The following MPP7 variants were observed in gnomAD, a reference collection of about 807,000 sequenced individuals.
The protein encoded by MPP7 is MAGUK p55 scaffold protein 7, also known as MAGUK p55 subfamily member 7.
In MPP7, 60 loss-of-function variants were observed where a neutral mutation model predicts 76.5. That is an observed-to-expected ratio of 0.78 (90% CI 0.64 to 0.97). The LOEUF is 0.97. Among genes scored for constraint, MPP7 ranks in the 50% least tolerant of loss-of-function variants. MPP7 has a pLI of 0.00. For synonymous variants in MPP7, 237 were observed against 244.5 expected (o/e 0.97, Z 0.29); for missense variants, 641 against 694.0 (o/e 0.92, Z 0.86).
chr10:28,307,224 G>A (rs1249066396), upstream of MPP7, among the ~76,000 whole-genome samples: 1 of 152,196 alleles, frequency 6.6e-6, no homozygotes, highest in African/African-American at 2.4e-5. Flanking sequence ...AGACCTAGAG[G>A]CCAAGGCCGA....
intron 3 of MPP7, among the ~76,000 whole-genome samples, chr10:28,151,352 A>G (rs1300760895): frequency 7.2e-5 from 11 of 152,240 alleles, no homozygotes; most frequent in Admixed American, 6.5e-4. Context: ...CTATAAAAAG[A>G]GTTAGATTTG....
intron 11 of MPP7, among the ~76,000 whole-genome samples, chr10:28,111,543 A>T (rs1320331984): frequency 2.0e-5 from 3 of 152,310 alleles, no homozygotes; most frequent in Non-Finnish European, 2.9e-5. Context: ...TTCAACACTT[A>T]AAAGAAATTT....
intron 6 of MPP7, among the ~76,000 whole-genome samples, chr10:28,128,405 T>A (rs1835086679): frequency 6.6e-6 from 1 of 152,194 alleles, no homozygotes; most frequent in South Asian, 2.1e-4. Context: ...CTCAAAATGT[T>A]TCAGATTTTG....
intron 3 of MPP7, among the ~76,000 whole-genome samples, chr10:28,194,303 C>T (rs1824171): frequency 0.08 from 12,181 of 152,230 alleles, 1,038 homozygotes; most frequent in East Asian, 0.43. Flanking sequence ...CATGAGCCAC[C>T]ACACCTGGCC....
At chr10:28,290,504 C>T (rs962754478) in intron 1 of MPP7, among the ~76,000 whole-genome samples, 1 of 152,042 alleles carries the variant, frequency 6.6e-6, no homozygotes, top group African/African-American at 2.4e-5. Context: ...AAGAGATTCG[C>T]TTTTGTTGCG....
At chr10:28,155,002 A>G (rs1238281578) in intron 3 of MPP7, among the ~76,000 whole-genome samples, 1 of 152,198 alleles carries the variant, frequency 6.6e-6, no homozygotes, top group Non-Finnish European at 1.5e-5. Context: ...ACAGGTTTCA[A>G]CATACAAGTA....
At chr10:28,167,242 T>C (rs908343122) in intron 3 of MPP7, among the ~76,000 whole-genome samples, 1 of 151,168 alleles carries the variant, frequency 6.6e-6, no homozygotes, top group African/African-American at 2.4e-5. Flanking sequence ...ACCCAGGAGG[T>C]GGAGGTTGCA....
intron 1 of MPP7, among the ~76,000 whole-genome samples, chr10:28,243,264 A>C (rs937310875): frequency 2.6e-5 from 4 of 152,164 alleles, no homozygotes; most frequent in Non-Finnish European, 5.9e-5. Flanking sequence ...ACTTGCATCC[A>C]CTAGAGGCTC....
At chr10:28,267,968 CGAGG>C (rs1840199896) in intron 1 of MPP7, among the ~76,000 whole-genome samples, 1 of 151,880 alleles carries the variant, frequency 6.6e-6, no homozygotes, top group Non-Finnish European at 1.5e-5. Flanking sequence ...CGTGGGAAGT[CGAGG>C]CTGCAGTGAG....
intron 12 of MPP7, among the ~76,000 whole-genome samples, chr10:28,075,607 C>T (rs1852446996): frequency 1.3e-5 from 2 of 152,144 alleles, no homozygotes; most frequent in Non-Finnish European, 2.9e-5. Flanking sequence ...AACGTGGCCA[C>T]TTCTCCTTGT....
At chr10:28,192,123 C>T (rs1288964044) in intron 3 of MPP7, among the ~76,000 whole-genome samples, 2 of 151,448 alleles carry the variant, frequency 1.3e-5, no homozygotes, top group Non-Finnish European at 2.9e-5. Flanking sequence ...ACAATAAAAA[C>T]TCTGAGCAAA....
intron 2 of MPP7, among the ~76,000 whole-genome samples, chr10:28,219,846 A>C (rs1264338152): frequency 6.6e-6 from 1 of 152,142 alleles, no homozygotes; most frequent in Non-Finnish European, 1.5e-5. Flanking sequence ...CCACTTTGTC[A>C]AAGGTAAAAT....
At chr10:28,300,797 T>TAAA (rs368455784) in intron 1 of MPP7, among the ~76,000 whole-genome samples, 16 of 142,310 alleles carry the variant, frequency 1.1e-4, no homozygotes, top group South Asian at 8.8e-4. Flanking sequence ...ACAAAAATAT[T>TAAA]AAAAAAAAAA....
At chr10:28,134,855 T>C (rs933239686) in intron 5 of MPP7, among the ~76,000 whole-genome samples, 1 of 152,052 alleles carries the variant, frequency 6.6e-6, no homozygotes, top group African/African-American at 2.4e-5. Context: ...ACAGCAGCAG[T>C]AGACACCAGA....
At chr10:28,220,450 C>G (rs570802904) in intron 2 of MPP7, among the ~76,000 whole-genome samples, 1 of 152,226 alleles carries the variant, frequency 6.6e-6, no homozygotes, top group Admixed American at 6.5e-5. Context: ...GCTATAAAAG[C>G]TAAAATGCAG....
At chr10:28,069,618 AC>A (rs145036980) in intron 13 of MPP7, among the ~76,000 whole-genome samples, 153 bp downstream of exon 13, 25,981 of 142,874 alleles carry the variant, frequency 0.18, 3,434 homozygotes, top group East Asian at 0.58. Context: ...AACAAAACAA[AC>A]AAAAAAAAAA....
rs561673097 is a variant in MPP7 at position 28,279,526 on chromosome 10, C to T, written c.-132+23335G>A. ...GGTGGATCACCTGAGGTCAGGATGGCGAAACCCCATCTCTACTAAAATACA... is the reference window on the plus strand; with the variant it reads ...GGTGGATCACCTGAGGTCAGGATGGTGAAACCCCATCTCTACTAAAATACA... On this transcript the variant is annotated intron_variant, in intron 1 of 16. Coordinates refer to ENST00000683449, the MANE Select transcript of MPP7 (RefSeq NM_001318170.2). Among the ~76,000 whole-genome samples the T allele has an allele frequency of 1.3e-4, 19 of 151,642 alleles. 1 individual carries two copies. Among genetic ancestry groups the T allele is most frequent in the African/African-American group, 2.4e-4 (10 of 41,250 alleles).
At chr10:28,151,980 T>C (rs1376698375) in intron 3 of MPP7, among the ~76,000 whole-genome samples, 1 of 152,242 alleles carries the variant, frequency 6.6e-6, no homozygotes, top group African/African-American at 2.4e-5. Context: ...CAGTGGTTCC[T>C]CTCCATCCCT....
At chr10:28,091,040 G>A (rs1017919793) in intron 11 of MPP7, among the ~76,000 whole-genome samples, 4 of 152,028 alleles carry the variant, frequency 2.6e-5, no homozygotes, top group South Asian at 2.1e-4. Context: ...TCAGCTACTC[G>A]GGAGGCTGAG....
Sources: gnomAD v4.1 joint callset for allele counts (sites outside exome capture counted in the v4.1 genomes callset) on GRCh38, gnomAD v4.1.1 for gene constraint, MANE v1.5 for transcripts, NCBI Gene and HGNC (gene_info 2026-07-23, HGNC 2026-07-21) for gene names.